Variants in XPO6 observed in about 807,000 individuals in gnomAD.
The protein encoded by XPO6 is exportin 6.
In XPO6, 3 loss-of-function variants were observed where a neutral mutation model predicts 130.0. The ratio of observed to expected loss-of-function variants is 0.02; its 90% CI spans 0.01 to 0.06. The LOEUF is 0.06. Among genes scored for constraint, XPO6 ranks in the 10% least tolerant of loss-of-function variants. The probability of loss-of-function intolerance (pLI) is 1.00; values close to 1 mark genes in which losing one functional copy is unlikely to be tolerated. For synonymous variants in XPO6, 524 were observed against 548.9 expected (o/e 0.95, Z 0.63); for missense variants, 970 against 1,393.0 (o/e 0.70, Z 4.83).
Position 28,125,823 on chromosome 16 carries a change from C to A in XPO6, c.1632G>T (p.Glu544Asp). ...AGCAGTGCAGCCGCCGGCAGTCGTT[C>A]TCCGCCGTGATGTTCAACCTGTGTC... ...GSGHRLNITA[E>D]NDCRRLHCSL... The change falls in exon 13 of 24, where the codon GAG (glutamate) becomes GAT (aspartate). Residue 544 changes from glutamate (E) to aspartate (D), a missense_variant. By Grantham distance (45) the Glu-to-Asp change is conservative. Around this residue, in one of 4 missense-constraint regions of XPO6, gnomAD observed 936 missense variants for 1,306.8 expected, o/e 0.72. Coordinates refer to ENST00000304658, the MANE Select transcript of XPO6 (RefSeq NM_015171.4). The A allele has an allele frequency of 1.2e-6, 2 of 1,614,044 alleles. No individual in the cohort carries two copies. The highest frequency in any genetic ancestry group is 1.1e-5 in the South Asian group (1 of 91,068).
intron 4 of XPO6, among the ~76,000 whole-genome samples, chr16:28,171,435 AG>A (rs1311344132): frequency 4.1e-5 from 6 of 147,728 alleles, no homozygotes; most frequent in Non-Finnish European, 8.9e-5. Flanking sequence ...CCTGGGCAAG[AG>A]AGCAAGACTC....
chr16:28,163,717 G>T (rs1348080468), intron 6 of XPO6, among the ~76,000 whole-genome samples: 1 of 152,170 alleles, frequency 6.6e-6, no homozygotes, highest in Non-Finnish European at 1.5e-5. Flanking sequence ...CAGAGTAAGT[G>T]GCAGGGCCAA....
chr16:28,169,610 G>C, intron 5 of XPO6, 140 bp downstream of exon 5: 2 of 1,009,304 alleles, frequency 2.0e-6, no homozygotes, highest in Non-Finnish European at 2.9e-6. Flanking sequence ...CTGGGCTATA[G>C]GTGTTGGGAA....
rs1175672309 is a variant in XPO6 at position 28,101,516 on chromosome 16, C to T, written c.3218G>A (p.Cys1073Tyr). 1.2e-6 allele frequency: 2 copies of T among 1,614,248 alleles called. No homozygotes were observed. The highest frequency in any genetic ancestry group is 1.7e-6 in the Non-Finnish European group (2 of 1,180,046). The part of the protein sequence containing the change: ...AAFLPEFLTS[C>Y]DGVDANQKSV... ...TTTCTGGTTGGCATCCACACCATCA[C>T]AGCTGGTCAGGAACTCTGGGAGGAA... is the stretch of plus-strand genomic sequence containing the variant. The change falls in exon 23 of 24, where the codon TGT becomes TAT. Residue 1073 changes from cysteine (C) to tyrosine (Y), a missense_variant. Transcript: ENST00000304658. The surrounding 1 kb of genome is among the most constrained non-coding windows in gnomAD (Gnocchi z 5.4).
intron 14 of XPO6, 148 bp from the exon 15 acceptor site, chr16:28,117,610 C>T (rs941285606): frequency 1.0e-6 from 1 of 991,116 alleles, no homozygotes; most frequent in Non-Finnish European, 1.4e-6. Flanking sequence ...TACCGGTTCA[C>T]GTAGAACCTA....
At chr16:28,196,306 C>T (rs1407751620) in intron 1 of XPO6, among the ~76,000 whole-genome samples, 2 of 152,016 alleles carry the variant, frequency 1.3e-5, no homozygotes, top group Admixed American at 6.5e-5. Flanking sequence ...TTTATGCATT[C>T]GGAGATAAGG....
chr16:28,172,858 G>A (rs1567638022), intron 4 of XPO6, among the ~76,000 whole-genome samples: 1 of 152,092 alleles, frequency 6.6e-6, no homozygotes, highest in African/African-American at 2.4e-5. Flanking sequence ...GAACCAGTTT[G>A]GCATTATTTA....
At position 28,156,765 on chromosome 16, in the gene XPO6, CA is replaced by C. The variant is rs1423819496; in HGVS notation, c.644-239del. Among the ~76,000 whole-genome samples the C allele has an allele frequency of 4.6e-5, 7 of 152,204 alleles. No individual in the cohort carries two copies. The East Asian group carries it at 1.2e-3, about 25-fold the overall frequency. On this transcript the variant is annotated intron_variant, in intron 6 of 23. Coordinates refer to ENST00000304658, the MANE Select transcript of XPO6 (RefSeq NM_015171.4). ...ATTCTTAGTGAGGGGGATCTGGATACAATCTTTAGTGTTTTGACTCAAATTT... is the reference window on the plus strand; with the variant it reads ...ATTCTTAGTGAGGGGGATCTGGATACATCTTTAGTGTTTTGACTCAAATTT...
chr16:28,121,056 T>G (rs953259170), intron 14 of XPO6, among the ~76,000 whole-genome samples: 2 of 152,286 alleles, frequency 1.3e-5, no homozygotes, highest in African/African-American at 2.4e-5. Flanking sequence ...GCCCATCTCC[T>G]GTCCCTGTCC....
Position 28,165,801 on chromosome 16 carries a change from A to AT in XPO6, c.643+706dup, listed in dbSNP as rs140095470. Among the ~76,000 whole-genome samples, 827 of 152,324 alleles carry AT rather than the reference A, an allele frequency of 5.4e-3. 5 individuals carry two copies. The highest frequency in any genetic ancestry group is 0.019 in the African/African-American group (775 of 41,572). ...ACAGGATGTACTCTGCTGGAAAAGCATTTGTGATCATTTAGTGTAAACAGC... is the reference window on the plus strand; with the variant it reads ...ACAGGATGTACTCTGCTGGAAAAGCATTTTGTGATCATTTAGTGTAAACAGC... On this transcript the variant is annotated intron_variant, in intron 6 of 23. Coordinates refer to ENST00000304658, the MANE Select transcript of XPO6 (RefSeq NM_015171.4).
chr16:28,184,830 T>C (rs1460548745), intron 1 of XPO6, among the ~76,000 whole-genome samples: 1 of 152,202 alleles, frequency 6.6e-6, no homozygotes, highest in Non-Finnish European at 1.5e-5. Flanking sequence ...ATGCATGTAC[T>C]GCTGGTGGGA....
chr16:28,137,736 G>C (rs897842398), intron 9 of XPO6, among the ~76,000 whole-genome samples: 11 of 151,848 alleles, frequency 7.2e-5, no homozygotes, highest in African/African-American at 2.4e-4. Flanking sequence ...TTTTATGTTA[G>C]ATTCAGGGGA....
chr16:28,206,030 T>C (rs2044023158), intron 1 of XPO6, among the ~76,000 whole-genome samples: 2 of 103,464 alleles, frequency 1.9e-5, no homozygotes, highest in African/African-American at 3.2e-5. Context: ...AGAGCAAGAC[T>C]GTCTCAAAAA....
At chr16:28,177,713 G>A (rs117711481) in intron 2 of XPO6, among the ~76,000 whole-genome samples, 192 of 152,166 alleles carry the variant, frequency 1.3e-3, no homozygotes, top group Middle Eastern at 3.4e-3. Flanking sequence ...CTAGGGCCTC[G>A]CCATTCCTCT....
Position 28,112,886 on chromosome 16 carries a change from G to A in XPO6, c.2151+18C>T, listed in dbSNP as rs752666476. ...GTCACACAGCCCTGGGGACCCCGGG[G>A]GAGCTCTGGGGCCTCACCTTATCGA... On this transcript the variant is annotated intron_variant, in intron 16 of 23. Transcript: ENST00000304658. 1 of 1,609,018 alleles carries A rather than the reference G, an allele frequency of 6.2e-7. No homozygotes were observed. Among genetic ancestry groups the A allele is most frequent in the Non-Finnish European group, 8.5e-7 (1 of 1,176,558 alleles).
chr16:28,103,318 A>G (rs186255206), intron 21 of XPO6, among the ~76,000 whole-genome samples: 28 of 152,316 alleles, frequency 1.8e-4, no homozygotes, highest in African/African-American at 5.8e-4. Context: ...GATTGTACCA[A>G]GAATCCATGC....
rs1852968104 is a variant in XPO6, at chr16:28,166,642, C to T, written c.566-57G>A. On this transcript the variant is annotated intron_variant, in intron 5 of 23. Transcript: ENST00000304658. ...GAAATAATGTCCAGCATATAAAAAT[C>T]ATATTTAGAGAAAGTTTCTTGATAC... The T allele has an allele frequency of 5.8e-6, 9 of 1,549,034 alleles. No homozygotes were observed. The South Asian group carries it at 1.1e-4, about 18-fold the overall frequency.
At position 28,098,654 on chromosome 16, in the gene XPO6, C is replaced by T. The variant is rs377260734; in HGVS notation, c.3277-15G>A. 2.6e-5 allele frequency: 41 copies of T among 1,598,682 alleles called. No homozygotes were observed. The highest frequency in any genetic ancestry group is 3.2e-5 in the Non-Finnish European group (38 of 1,169,626). On this transcript the variant is annotated splice_polypyrimidine_tract_variant and intron_variant, in intron 23 of 23. Transcript: ENST00000304658. ...GAGGGCAGGTCCTGGAAGGCAGGGG[C>T]ATAGCTGCAGCCAACAACACACCAG...
At chr16:28,119,398 G>C (rs2087167751) in intron 14 of XPO6, among the ~76,000 whole-genome samples, 1 of 152,154 alleles carries the variant, frequency 6.6e-6, no homozygotes, top group Admixed American at 6.5e-5. Context: ...CATGATGCAA[G>C]AGGAAAGGCA....
Sources: gnomAD v4.1 joint callset for allele counts (sites outside exome capture counted in the v4.1 genomes callset) on GRCh38, gnomAD v4.1.1 for gene constraint, gnomAD v4.1.1 regional missense constraint, Gnocchi (gnomAD v3.1) non-coding constraint, MANE v1.5 for transcripts, NCBI Gene and HGNC (gene_info 2026-07-23, HGNC 2026-07-21) for gene names.